ABCG1: variants seen among roughly 807,000 people sequenced by gnomAD.
The protein encoded by ABCG1 is ATP binding cassette subfamily G member 1, also known as ATP-binding cassette sub-family G member 1.
In ABCG1, 29 loss-of-function variants were observed where a neutral mutation model predicts 69.2. The observed-to-expected ratio is 0.42, with a 90% CI of 0.31 to 0.57. The LOEUF (loss-of-function observed/expected upper bound fraction) is 0.57. Ranked by LOEUF, ABCG1 falls within the 20% of genes least tolerant of loss-of-function variation. The probability of loss-of-function intolerance (pLI) is 0.15; values close to 1 mark genes in which losing one functional copy is unlikely to be tolerated. For synonymous variants in ABCG1, 370 were observed against 374.8 expected, an observed-to-expected ratio of 0.99 and a Z score of 0.15; for missense variants, 718 against 898.1, an observed-to-expected ratio of 0.80 and a Z score of 2.56.
rs747888460 is a variant in ABCG1, at chr21:42,273,476, C to T, written c.537+41C>T. On this transcript the variant is annotated intron_variant, in intron 4 of 14. Coordinates refer to ENST00000398449, the MANE Select transcript of ABCG1 (RefSeq NM_016818.3). This position sits in a 1 kb window ranked among gnomAD's most constrained non-coding sequence, Gnocchi z 5.3. ...CCCCGCCCCACTCCGCCCCTGCCGC[C>T]TGTCCCCAGCGCCCACATTAGACAC... The T allele has an allele frequency of 3.1e-6, 5 of 1,590,672 alleles. No individual in the cohort carries two copies. The highest frequency in any genetic ancestry group is 4.3e-6 in the Non-Finnish European group (5 of 1,167,174).
At chr21:42,284,494 CG>C in intron 6 of ABCG1, 65 bp from the exon 7 acceptor site, 1 of 1,583,132 alleles carries the variant, frequency 6.3e-7, no homozygotes, top group South Asian at 1.1e-5. Flanking sequence ...CCTGGACCCC[CG>C]GAACCTGGGG....
intron 13 of ABCG1, among the ~76,000 whole-genome samples, chr21:42,293,762 C>A (rs1395118416): frequency 7.3e-6 from 1 of 137,456 alleles, no homozygotes; most frequent in African/African-American, 2.8e-5. Flanking sequence ...ACAGTACATA[C>A]CACATACCAC....
intron 2 of ABCG1, among the ~76,000 whole-genome samples, chr21:42,269,199 A>G (rs548743129): frequency 6.6e-6 from 1 of 152,286 alleles, no homozygotes; most frequent in East Asian, 1.9e-4. Context: ...TGAATAGACA[A>G]GAGATGGTAA....
chr21:42,293,633 C>CT (rs2069138545), intron 13 of ABCG1, among the ~76,000 whole-genome samples: 1 of 139,804 alleles, frequency 7.2e-6, no homozygotes, highest in Non-Finnish European at 1.6e-5. Flanking sequence ...ACACACCACA[C>CT]ACACACCACA....
At position 42,273,233 on chromosome 21, in the gene ABCG1, T is replaced by C. The variant is rs2068647862; in HGVS notation, c.405-70T>C. ...GGCAAGCCCCCGTCTCTGGCTCCCC[T>C]CTCCTGCCCCGGGAGGTGGAGGAGG... is the stretch of plus-strand genomic sequence containing the variant. On this transcript the variant is annotated intron_variant, in intron 3 of 14. Transcript: ENST00000398449. The surrounding 1 kb of genome is among the most constrained non-coding windows in gnomAD (Gnocchi z 5.3). The C allele has an allele frequency of 2.6e-6, 4 of 1,545,088 alleles. No homozygotes were observed. The East Asian group carries it at 9.2e-5, about 35-fold the overall frequency.
intron 7 of ABCG1, among the ~76,000 whole-genome samples, chr21:42,285,378 C>T (rs1358348479): frequency 2.0e-5 from 3 of 151,984 alleles, no homozygotes; most frequent in Admixed American, 2.0e-4. Flanking sequence ...TGGTGGCACA[C>T]TCCTATAGTC....
At chr21:42,277,768 C>T (rs1363732510) in intron 5 of ABCG1, among the ~76,000 whole-genome samples, 3 of 152,356 alleles carry the variant, frequency 2.0e-5, no homozygotes, top group African/African-American at 7.2e-5. Context: ...AATGGCTCGA[C>T]ATGGCCCTTT....
Position 42,282,282 on chromosome 21 carries a change from G to A in ABCG1, c.597G>A (p.Glu199=). ...CGTTCTGTTGCCCCCAGGTCAAGGA[G>A]ATACTGACAGCGCTGGGCTTGCTGT... ...KDEGRREMVK[E]ILTALGLLSC... Residue 199 remains glutamate, a synonymous_variant, in exon 6 of 15, where the codon GAG becomes GAA. Coordinates refer to ENST00000398449, the MANE Select transcript of ABCG1 (RefSeq NM_016818.3). The A allele has an allele frequency of 6.2e-7, 1 of 1,611,988 alleles. No individual in the cohort carries two copies. The highest frequency in any genetic ancestry group is 8.5e-7 in the Non-Finnish European group (1 of 1,179,846).
chr21:42,278,075 T>C (rs781134820), intron 5 of ABCG1, among the ~76,000 whole-genome samples: 5 of 152,154 alleles, frequency 3.3e-5, no homozygotes, highest in Non-Finnish European at 4.4e-5. Context: ...AATGACTCTT[T>C]GTTGCTACAG....
At chr21:42,281,807 C>A (rs538820173) in intron 5 of ABCG1, among the ~76,000 whole-genome samples, 1 of 152,368 alleles carries the variant, frequency 6.6e-6, no homozygotes, top group South Asian at 2.1e-4. Context: ...TCCACTCTTT[C>A]AAGTAACCAT....
At chr21:42,259,582 C>T (rs1330875151) in intron 2 of ABCG1, 3 of 1,468,216 alleles carry the variant, frequency 2.0e-6, no homozygotes, top group African/African-American at 2.9e-5. Context: ...GTGGCATTGC[C>T]TCTGCGGAGC....
In ABCG1 at chr21:42,288,105, G is replaced by C; in HGVS notation, c.1122+68G>C. On this transcript the variant is annotated intron_variant, in intron 9 of 14. Transcript: ENST00000398449. This position sits in a 1 kb window ranked among gnomAD's most constrained non-coding sequence, Gnocchi z 4.8. ...CAAATCCCGAAGCCCCCTGGGGGAG[G>C]CTGCACGTGGCACCGTGCACTGCTG... is the stretch of plus-strand genomic sequence containing the variant. The C allele has an allele frequency of 6.2e-7, 1 of 1,606,562 alleles. No individual in the cohort carries two copies. The highest frequency in any genetic ancestry group is 8.5e-7 in the Non-Finnish European group (1 of 1,173,854).
rs751083177 is a variant in ABCG1 at position 42,290,094 on chromosome 21, C to T, written c.1269C>T (p.Leu423=). 6 of 1,614,110 alleles carry T rather than the reference C, an allele frequency of 3.7e-6. No individual in the cohort carries two copies. Among genetic ancestry groups the T allele is most frequent in the Admixed American group, 1.7e-5 (1 of 60,006 alleles). ...TCACCTCGCACATTGGGATCGGCCT[C>T]CTCATTGGCCTGCTGTACTTGGGGA... ...LRITSHIGIG[L]LIGLLYLGIG... is the part of the protein sequence containing the mutation. Residue 423 remains leucine (L), a synonymous_variant, in exon 11 of 15, where the codon CTC becomes CTT. Transcript: ENST00000398449.
chr21:42,219,917 T>C lies in ABCG1; in HGVS notation c.42+613T>C. 9 of 1,549,822 alleles carry C rather than the reference T, an allele frequency of 5.8e-6. No homozygotes were observed. Among genetic ancestry groups the C allele is most frequent in the Non-Finnish European group, 7.9e-6 (9 of 1,146,478 alleles). On this transcript the variant is annotated intron_variant, in intron 1 of 14. Coordinates refer to ENST00000398449, the MANE Select transcript of ABCG1 (RefSeq NM_016818.3). This position sits in a 1 kb window ranked among gnomAD's most constrained non-coding sequence, Gnocchi z 5.3. ...AGACCCGCGAGGGGCAAGCCCGGAT[T>C]CCTGCCGGCCGCCTTTCTGCGCGCG...
chr21:42,202,881 G>A (rs867130104), intron 2 of ABCG1, among the ~76,000 whole-genome samples: 4 of 152,164 alleles, frequency 2.6e-5, no homozygotes, highest in Non-Finnish European at 5.9e-5. Flanking sequence ...CCAAAGTGCT[G>A]GGATTACAGG....
intron 4 of ABCG1, among the ~76,000 whole-genome samples, chr21:42,274,226 G>A (rs964620738): frequency 6.6e-6 from 1 of 152,244 alleles, no homozygotes; most frequent in African/African-American, 2.4e-5. Flanking sequence ...ATTCTGACAT[G>A]CAGTTGGTGC....
chr21:42,282,284 T>C lies in ABCG1; in HGVS notation c.599T>C (p.Ile200Thr). 6.2e-7 allele frequency: 1 copy of C among 1,612,024 alleles called. No individual in the cohort carries two copies. Among genetic ancestry groups the C allele is most frequent in the Admixed American group, 1.7e-5 (1 of 59,976 alleles). ...TTCTGTTGCCCCCAGGTCAAGGAGA[T>C]ACTGACAGCGCTGGGCTTGCTGTCT... ...DEGRREMVKE[I>T]LTALGLLSCA... is the part of the protein sequence containing the mutation. Residue 200 changes from isoleucine (I) to threonine (T), a missense_variant, in exon 6 of 15, where the codon ATA becomes ACA. By Grantham distance (89) the Ile-to-Thr change is moderately conservative (BLOSUM62 -1). Coordinates refer to ENST00000398449, the MANE Select transcript of ABCG1 (RefSeq NM_016818.3).
At chr21:42,204,377 T>C (rs932174779) in intron 2 of ABCG1, among the ~76,000 whole-genome samples, 2 of 152,226 alleles carry the variant, frequency 1.3e-5, no homozygotes, top group African/African-American at 4.8e-5. Flanking sequence ...TTATTAACTG[T>C]AGATTTCTTG....
intron 5 of ABCG1, among the ~76,000 whole-genome samples, chr21:42,281,247 C>T (rs888283925): frequency 1.3e-5 from 2 of 152,222 alleles, no homozygotes; most frequent in African/African-American, 4.8e-5. Context: ...CTTGCTATGG[C>T]TCCCAGGGGC....
Sources: allele counts gnomAD v4.1 joint callset (sites outside exome capture counted in the v4.1 genomes callset), GRCh38; gene constraint gnomAD v4.1.1; non-coding constraint Gnocchi (gnomAD v3.1); transcripts MANE v1.5; gene names NCBI Gene and HGNC (gene_info 2026-07-23, HGNC 2026-07-21).